NGF: variants seen among roughly 807,000 people sequenced by gnomAD.
NGF encodes the protein beta-nerve growth factor.
A neutral mutation model predicts 12.8 loss-of-function variants in NGF; 4 were observed. The observed-to-expected ratio is 0.31, with a 90% CI of 0.15 to 0.72. The LOEUF is 0.72. NGF is among the 30% of genes least tolerant of loss of function. The pLI, the probability that NGF is intolerant of heterozygous loss-of-function variation, is 0.69. For synonymous variants in NGF, 140 were observed against 130.0 expected, an observed-to-expected ratio of 1.08 and a Z score of -0.52; for missense variants, 283 against 330.8, an observed-to-expected ratio of 0.86 and a Z score of 1.12.
intron 1 of NGF, among the ~76,000 whole-genome samples, chr1:115,320,745 G>T (rs986398300): frequency 1.3e-5 from 2 of 152,200 alleles, no homozygotes; most frequent in Non-Finnish European, 2.9e-5. Context: ...CACAGCTAAG[G>T]GGGTGACCAC....
At chr1:115,293,239 C>T (rs1571074732) in intron 2 of NGF, among the ~76,000 whole-genome samples, 1 of 152,116 alleles carries the variant, frequency 6.6e-6, no homozygotes, top group Non-Finnish European at 1.5e-5. Flanking sequence ...TTCCCTACCC[C>T]TCTACTCCAC....
At chr1:115,297,403 C>T (rs1338858871) in intron 1 of NGF, among the ~76,000 whole-genome samples, 3 of 152,128 alleles carry the variant, frequency 2.0e-5, no homozygotes, top group African/African-American at 4.8e-5. Flanking sequence ...ATGTTGTGGG[C>T]TTCTTCCCTC....
intron 1 of NGF, among the ~76,000 whole-genome samples, chr1:115,299,283 A>G (rs931706528): frequency 1.3e-5 from 2 of 152,204 alleles, no homozygotes; most frequent in African/African-American, 2.4e-5. Context: ...AAATGGTCCT[A>G]TGGCTCTTTG....
In NGF at chr1:115,286,770, A is replaced by G. The variant is rs1450867650; in HGVS notation, c.26T>C (p.Ile9Thr). Reference protein sequence around the residue: MSMLFYTLITAFLIGIQAE... With the variant: MSMLFYTLTTAFLIGIQAE... ...CTGTATGCCGATCAGAAAAGCTGTG[A>G]TCAGAGTGTAGAACAACATGGACAT... The change falls in exon 3 of 3, where the codon ATC becomes ACC. Residue 9 changes from isoleucine (I) to threonine (T), a missense_variant. Ile to Thr is a moderately conservative substitution (Grantham distance 89). Transcript: ENST00000369512. 2 of 1,614,078 alleles carry G rather than the reference A, an allele frequency of 1.2e-6. No individual in the cohort carries two copies. Among genetic ancestry groups the G allele is most frequent in the Non-Finnish European group, 1.7e-6 (2 of 1,180,052 alleles).
intron 1 of NGF, among the ~76,000 whole-genome samples, chr1:115,309,541 C>T (rs1277449151): frequency 6.6e-6 from 1 of 152,172 alleles, no homozygotes; most frequent in Non-Finnish European, 1.5e-5. Flanking sequence ...CTGTCACCTA[C>T]ATTAGGTATT....
intron 1 of NGF, among the ~76,000 whole-genome samples, chr1:115,304,122 C>A (rs1031790947): frequency 6.6e-6 from 1 of 151,852 alleles, no homozygotes; most frequent in African/African-American, 2.4e-5. Flanking sequence ...AGAGCAATAC[C>A]TGTAATGGTC....
intron 1 of NGF, among the ~76,000 whole-genome samples, chr1:115,300,758 G>A (rs190259345): frequency 5.8e-4 from 89 of 152,364 alleles, no homozygotes; most frequent in Non-Finnish European, 9.8e-4. Context: ...AACCTGAGGC[G>A]AAGAGCTGGA....
chr1:115,286,030 A>G lies in NGF; in HGVS notation c.*40T>C. 8.1e-6 allele frequency: 13 copies of G among 1,608,190 alleles called. No individual in the cohort carries two copies. The highest frequency in any genetic ancestry group is 1.1e-5 in the Non-Finnish European group (13 of 1,176,960). On this transcript the variant is annotated 3_prime_UTR_variant, in exon 3 of 3. Transcript: ENST00000369512. ...AGGTTGAGGTAGGGAGGGGCCCAGG[A>G]GAGTGTAGAAGGGGCAGGGGGAGGG...
At chr1:115,308,995 C>A (rs1462881679) in intron 1 of NGF, among the ~76,000 whole-genome samples, 1 of 152,170 alleles carries the variant, frequency 6.6e-6, no homozygotes, top group Non-Finnish European at 1.5e-5. Context: ...TAGAATGCAG[C>A]CCCTGTATGT....
intron 1 of NGF, among the ~76,000 whole-genome samples, chr1:115,298,809 C>A (rs1226802927): frequency 6.6e-6 from 1 of 151,782 alleles, no homozygotes; most frequent in Admixed American, 6.6e-5. Context: ...GCCACAGCCC[C>A]CTTTCTCCTA....
At chr1:115,309,296 G>T (rs970758155) in intron 1 of NGF, among the ~76,000 whole-genome samples, 1 of 152,088 alleles carries the variant, frequency 6.6e-6, no homozygotes, top group Non-Finnish European at 1.5e-5. Context: ...TACAGACACA[G>T]GGGAATAAAG....
At chr1:115,298,021 T>G (rs1383819231) in intron 1 of NGF, among the ~76,000 whole-genome samples, 4 of 152,242 alleles carry the variant, frequency 2.6e-5, no homozygotes, top group Non-Finnish European at 4.4e-5. Flanking sequence ...AGATTATCAA[T>G]AAATTAATAC....
intron 1 of NGF, among the ~76,000 whole-genome samples, chr1:115,304,002 C>T (rs533044663): frequency 3.1e-4 from 47 of 152,078 alleles, no homozygotes; most frequent in African/African-American, 1.1e-3. Context: ...TGTTTTTTTC[C>T]TTTCTTTCTC....
At chr1:115,329,428 A>T (rs915709939) in intron 1 of NGF, among the ~76,000 whole-genome samples, 1 of 152,174 alleles carries the variant, frequency 6.6e-6, no homozygotes, top group Non-Finnish European at 1.5e-5. Context: ...CTTAACCCCA[A>T]GCTTGCCTGG....
chr1:115,289,963 C>G (rs1213493728), intron 2 of NGF, among the ~76,000 whole-genome samples: 1 of 152,148 alleles, frequency 6.6e-6, no homozygotes, highest in Non-Finnish European at 1.5e-5. Flanking sequence ...GGAACAGTCT[C>G]CCACCTGATA....
intron 2 of NGF, among the ~76,000 whole-genome samples, chr1:115,287,284 G>T (rs942940772): frequency 1.3e-5 from 2 of 152,196 alleles, no homozygotes; most frequent in African/African-American, 4.8e-5. Flanking sequence ...GGGAAGATCT[G>T]CTGGGGACAT....
At chr1:115,336,723 C>T (rs530558471) in intron 1 of NGF, among the ~76,000 whole-genome samples, 2 of 152,310 alleles carry the variant, frequency 1.3e-5, no homozygotes, top group South Asian at 4.1e-4. Context: ...ATGGCTGCTG[C>T]CCTTCTGCAC....
chr1:115,337,288 T>G (rs898178694), intron 1 of NGF, among the ~76,000 whole-genome samples: 4,420 of 133,204 alleles, frequency 0.033, 279 homozygotes, highest in South Asian at 0.08. Flanking sequence ...TTTTTTTTTT[T>G]TTTTTTTTTT....
intron 1 of NGF, among the ~76,000 whole-genome samples, chr1:115,322,686 C>A (rs1021310386): frequency 7.2e-5 from 11 of 152,168 alleles, no homozygotes; most frequent in African/African-American, 2.7e-4. Context: ...ACTATGTTAA[C>A]CATTTTATAA....
Sources: gnomAD v4.1 joint callset for allele counts (sites outside exome capture counted in the v4.1 genomes callset) on GRCh38, gnomAD v4.1.1 for gene constraint, MANE v1.5 for transcripts, NCBI Gene and HGNC (gene_info 2026-07-23, HGNC 2026-07-21) for gene names.